The following KCNH6 variants were observed in gnomAD, a reference collection of about 807,000 sequenced individuals.
KCNH6 encodes voltage-gated inwardly rectifying potassium channel KCNH6.
A neutral mutation model predicts 83.4 loss-of-function variants in KCNH6; 81 were observed. The ratio of observed to expected loss-of-function variants is 0.97; its 90% confidence interval spans 0.81 to 1.17. The LOEUF is 1.17. KCNH6 is among the 50% of genes most tolerant of loss of function. The pLI, the probability that KCNH6 is intolerant of heterozygous loss-of-function variation, is 0.00. For synonymous variants in KCNH6, 503 were observed against 545.6 expected, an observed-to-expected ratio of 0.92 and a Z score of 1.09; for missense variants, 1,203 against 1,290.5, an observed-to-expected ratio of 0.93 and a Z score of 1.04.
At chr17:63,542,539 C>A in intron 9 of KCNH6, 105 bp downstream of exon 9, 1 of 930,650 alleles carries the variant, frequency 1.1e-6, no homozygotes, top group Non-Finnish European at 1.7e-6. Flanking sequence ...CCCCATCCTG[C>A]AACCTTTGCC....
intron 10 of KCNH6, chr17:63,543,900 G>T (rs1471372599): frequency 4.5e-6 from 3 of 659,764 alleles, no homozygotes; most frequent in Admixed American, 5.8e-5. Flanking sequence ...ACCCCCAGGG[G>T]TGTATGGAGA....
intron 6 of KCNH6, 94 bp from the exon 7 acceptor site, chr17:63,537,971 C>T (rs549533959): frequency 1.1e-4 from 137 of 1,256,132 alleles, no homozygotes; most frequent in Middle Eastern, 1.9e-4. Flanking sequence ...GGTCCTTCAC[C>T]AGGGGGCTGC....
chr17:63,532,877 A>C (rs1172449751), intron 4 of KCNH6, among the ~76,000 whole-genome samples: 1 of 151,972 alleles, frequency 6.6e-6, no homozygotes, highest in African/African-American at 2.4e-5. Context: ...GTAGAGCAGC[A>C]CCTGCCATCT....
intron 2 of KCNH6, among the ~76,000 whole-genome samples, chr17:63,526,686 A>G (rs531717495): frequency 6.6e-6 from 1 of 151,246 alleles, no homozygotes; most frequent in South Asian, 2.1e-4. Context: ...CCAACCCCCA[A>G]CTCCAGGGAG....
chr17:63,548,126 CG>C (rs2033183591), downstream of KCNH6, among the ~76,000 whole-genome samples: 1 of 151,946 alleles, frequency 6.6e-6, no homozygotes. Context: ...AATAGCCAGG[CG>C]TGGTGGCAGG....
At chr17:63,543,946 A>C in intron 10 of KCNH6, 1 of 883,932 alleles carries the variant, frequency 1.1e-6, no homozygotes, top group Non-Finnish European at 1.7e-6. Context: ...CCAAGGCATC[A>C]GGGGGGCCAC....
chr17:63,524,021 C>T (rs2031521610), intron 1 of KCNH6, 118 bp from the exon 2 acceptor site: 1 of 754,230 alleles, frequency 1.3e-6, no homozygotes, highest in East Asian at 2.5e-5. Flanking sequence ...ATTCCGGTCA[C>T]TGCCCTGCTC....
At chr17:63,526,216 C>T (rs2031702904) in intron 2 of KCNH6, among the ~76,000 whole-genome samples, 1 of 152,144 alleles carries the variant, frequency 6.6e-6, no homozygotes, top group Non-Finnish European at 1.5e-5. Context: ...TACTCCCATC[C>T]CACCCTCGGC....
intron 1 of KCNH6, 49 bp from the exon 2 acceptor site, chr17:63,524,090 G>C: frequency 7.6e-7 from 1 of 1,323,530 alleles, no homozygotes; most frequent in Non-Finnish European, 1.1e-6. Flanking sequence ...CCTCCCAGCC[G>C]CTGGATCCTG....
In KCNH6 at chr17:63,538,291, C is replaced by A. The variant is rs1372392136; in HGVS notation, c.1701+27C>A. The A allele has an allele frequency of 2.6e-6, 4 of 1,560,740 alleles. No homozygotes were observed. ...TGAGCCCCGCCGCTCCGGCTAATGC[C>A]CCGGGCGTGGGGGGGAGCCAAGATC... On this transcript the variant is annotated intron_variant, in intron 7 of 12. Transcript: ENST00000314672. The surrounding 1 kb of genome is among the most constrained non-coding windows in gnomAD (Gnocchi z 4.0).
intron 4 of KCNH6, among the ~76,000 whole-genome samples, chr17:63,531,369 A>G (rs2032097467): frequency 6.6e-6 from 1 of 152,120 alleles, no homozygotes; most frequent in Admixed American, 6.5e-5. Context: ...GTCTCTGGGG[A>G]CCCATTTGAC....
intron 2 of KCNH6, among the ~76,000 whole-genome samples, chr17:63,528,775 C>G (rs983841858): frequency 9.9e-5 from 15 of 152,144 alleles, no homozygotes; most frequent in African/African-American, 3.4e-4. Flanking sequence ...CATAGGACTC[C>G]CATGGAGAGG....
intron 8 of KCNH6, among the ~76,000 whole-genome samples, chr17:63,540,144 G>A (rs955762984): frequency 6.6e-6 from 1 of 152,188 alleles, no homozygotes; most frequent in African/African-American, 2.4e-5. Flanking sequence ...CCTTAGACGT[G>A]CCATCCATGG....
At chr17:63,539,222 T>A (rs1273545240) in intron 8 of KCNH6, among the ~76,000 whole-genome samples, 4 of 152,168 alleles carry the variant, frequency 2.6e-5, no homozygotes, top group Non-Finnish European at 4.4e-5. Flanking sequence ...TCATCTTCCT[T>A]GCCTGCCCCA....
chr17:63,524,113 T>G (rs1266078336), intron 1 of KCNH6, 26 bp from the exon 2 acceptor site: 1 of 1,559,832 alleles, frequency 6.4e-7, no homozygotes, highest in African/African-American at 1.4e-5. Flanking sequence ...TCCCATGGAC[T>G]TTTTGCCTCC....
chr17:63,545,112 A>G lies in KCNH6; in HGVS notation c.2431A>G (p.Ile811Val), dbSNP rs2147740101. 2 of 1,613,692 alleles carry G rather than the reference A, an allele frequency of 1.2e-6. No individual in the cohort carries two copies. The highest frequency in any genetic ancestry group is 2.2e-5 in the East Asian group (1 of 44,886). Reference sequence around the variant, plus strand: ...CCGCGTGTCCTCAGACCTCAGCCGCATCTTGCAGCTCCTCCAGAAGCCCAT... The same window carrying G: ...CCGCGTGTCCTCAGACCTCAGCCGCGTCTTGCAGCTCCTCCAGAAGCCCAT... ...ESRVSSDLSR[I>V]LQLLQKPMPQ... The change falls in exon 12 of 13, where the codon ATC (isoleucine) becomes GTC (valine). Residue 811 changes from isoleucine to valine, a missense_variant. By Grantham distance (29) the Ile-to-Val change is conservative (BLOSUM62 3). Transcript: ENST00000314672.
chr17:63,545,430 G>A (rs1183006776), intron 12 of KCNH6, among the ~76,000 whole-genome samples, 166 bp downstream of exon 12: 2 of 152,198 alleles, frequency 1.3e-5, no homozygotes, highest in Non-Finnish European at 2.9e-5. Context: ...GGGTTAGCCT[G>A]GGCAAGGTGC....
chr17:63,536,327 T>C (rs1168938942), intron 6 of KCNH6: 3 of 510,788 alleles, frequency 5.9e-6, no homozygotes, highest in African/African-American at 1.9e-5. Flanking sequence ...AAAATGAAAT[T>C]GTAGGGACCC....
At position 63,538,374 on chromosome 17, in the gene KCNH6, G is replaced by A. The variant is rs756979238; in HGVS notation, c.1702-36G>A. 2 of 1,587,266 alleles carry A rather than the reference G, an allele frequency of 1.3e-6. No homozygotes were observed. The highest frequency in any genetic ancestry group is 1.1e-5 in the South Asian group (1 of 88,448). Reference sequence around the variant, plus strand: ...CACCCTCTCCCCCAGCCCCACCCCGGCCGCGTCCCGCTGGACTTGGCCGCC... The same window carrying A: ...CACCCTCTCCCCCAGCCCCACCCCGACCGCGTCCCGCTGGACTTGGCCGCC... On this transcript the variant is annotated intron_variant, in intron 7 of 12. Coordinates refer to ENST00000314672, the MANE Select transcript of KCNH6 (RefSeq NM_001278919.2). This position sits in a 1 kb window ranked among gnomAD's most constrained non-coding sequence, Gnocchi z 4.0.
Sources: allele counts gnomAD v4.1 joint callset (sites outside exome capture counted in the v4.1 genomes callset), GRCh38; gene constraint gnomAD v4.1.1; non-coding constraint Gnocchi (gnomAD v3.1); transcripts MANE v1.5; gene names NCBI Gene and HGNC (gene_info 2026-07-23, HGNC 2026-07-21).